STXBP4: variants seen among roughly 807,000 people sequenced by gnomAD.
The protein encoded by STXBP4 is syntaxin-binding protein 4.
Under a neutral mutation model 76.1 loss-of-function variants are expected in STXBP4, and 55 were observed. The observed-to-expected ratio is 0.72, with a 90% CI of 0.58 to 0.91. The LOEUF is 0.91. STXBP4 is among the 40% of genes least tolerant of loss of function. STXBP4 has a pLI of 0.00. For synonymous variants in STXBP4, 201 were observed against 220.2 expected (o/e 0.91, Z 0.77); for missense variants, 618 against 636.9 (o/e 0.97, Z 0.32).
At chr17:55,156,444 C>T (rs2080278072) in intron 17 of STXBP4, among the ~76,000 whole-genome samples, 1 of 152,168 alleles carries the variant, frequency 6.6e-6, no homozygotes, top group Non-Finnish European at 1.5e-5. Context: ...AAATGGCCCC[C>T]TTCCAGCATC....
At chr17:55,210,561 C>A in the STXBP4 span, among the ~76,000 whole-genome samples, 1 of 152,190 alleles carries the variant, frequency 6.6e-6, no homozygotes, top group Non-Finnish European at 1.5e-5. Context: ...TGGTTTTACT[C>A]AGTGTGCCAA....
At chr17:55,147,775 A>G (rs987010043) in intron 17 of STXBP4, among the ~76,000 whole-genome samples, 1 of 152,220 alleles carries the variant, frequency 6.6e-6, no homozygotes, top group Non-Finnish European at 1.5e-5. Flanking sequence ...ATTTTAACTC[A>G]TGCCATCTCT....
intron 10 of STXBP4, among the ~76,000 whole-genome samples, chr17:55,040,304 G>A (rs1005176778): frequency 3.3e-5 from 5 of 151,986 alleles, no homozygotes; most frequent in Non-Finnish European, 7.4e-5. Flanking sequence ...AGATGTATAA[G>A]CCAGATAATA....
chr17:55,139,681 T>G (rs1440748906), intron 16 of STXBP4, among the ~76,000 whole-genome samples: 1 of 152,112 alleles, frequency 6.6e-6, no homozygotes, highest in Non-Finnish European at 1.5e-5. Context: ...AGAGGAGACA[T>G]ATAGTGACAG....
intron 12 of STXBP4, among the ~76,000 whole-genome samples, chr17:55,058,138 C>T (rs2078953939): frequency 6.6e-6 from 1 of 152,164 alleles, no homozygotes; most frequent in South Asian, 2.1e-4. Context: ...ACACTGTCTT[C>T]CACAATGGTT....
At chr17:54,982,702 G>C (rs2077567857) in intron 1 of STXBP4, among the ~76,000 whole-genome samples, 1 of 151,942 alleles carries the variant, frequency 6.6e-6, no homozygotes, top group Admixed American at 6.6e-5. Context: ...TATAAAGAGA[G>C]AGTAGGAAGC....
chr17:54,993,467 C>G (rs2077750078), intron 4 of STXBP4, among the ~76,000 whole-genome samples: 3 of 137,360 alleles, frequency 2.2e-5, no homozygotes, highest in Admixed American at 7.7e-5. Flanking sequence ...GGCAACAGAG[C>G]ATTTCTAAAA....
intron 12 of STXBP4, among the ~76,000 whole-genome samples, chr17:55,048,246 A>G (rs1262353619): frequency 2.6e-5 from 4 of 151,900 alleles, no homozygotes; most frequent in Admixed American, 2.6e-4. Flanking sequence ...AGGGAAAATT[A>G]AGGAGCTTAT....
intron 10 of STXBP4, 132 bp from the exon 11 acceptor site, chr17:55,043,104 G>T (rs921935782): frequency 9.7e-6 from 4 of 410,660 alleles, no homozygotes; most frequent in African/African-American, 6.2e-5. Context: ...CTAATCAAAT[G>T]ACTCCAACAT....
At chr17:55,186,107 T>C in the STXBP4 span, among the ~76,000 whole-genome samples, 1 of 152,202 alleles carries the variant, frequency 6.6e-6, no homozygotes, top group Non-Finnish European at 1.5e-5. Flanking sequence ...TTACCACCAC[T>C]ATGCAATTAC....
rs968312530 is a variant in STXBP4, at chr17:55,164,944, T to G, written c.*5033T>G. The G allele has an allele frequency of 2.0e-5, 3 of 152,174 alleles. No individual in the cohort carries two copies. The highest frequency in any genetic ancestry group is 6.5e-5 in the Admixed American group (1 of 15,274). The allele number at this position is 152,174 out of a possible 1,614,324, so 9.4% of individuals were successfully genotyped here. A position where few individuals can be genotyped will look rare whatever the true frequency, so the allele number is the denominator to read the frequency against. On this transcript the variant is annotated 3_prime_UTR_variant, in exon 18 of 18. Coordinates refer to ENST00000376352, the MANE Select transcript of STXBP4 (RefSeq NM_178509.6). Reference sequence around the variant, plus strand: ...TTCACTGAGTAGTAGGGATACAATGTGAGATATATGTGTTTCTAGCCCTTG... The same window carrying G: ...TTCACTGAGTAGTAGGGATACAATGGGAGATATATGTGTTTCTAGCCCTTG...
chr17:55,190,629 A>C, the STXBP4 span, among the ~76,000 whole-genome samples: 1 of 152,196 alleles, frequency 6.6e-6, no homozygotes, highest in Non-Finnish European at 1.5e-5. Flanking sequence ...GGGTTTTGAA[A>C]ACAAAGGAAG....
intron 13 of STXBP4, among the ~76,000 whole-genome samples, chr17:55,076,644 G>A (rs545466488): frequency 6.6e-6 from 1 of 152,210 alleles, no homozygotes; most frequent in South Asian, 2.1e-4. Flanking sequence ...ACTTTAGTGT[G>A]TACTATTTGG....
rs1416369505 is a variant in STXBP4, at chr17:55,170,341, A to G, written c.*10430A>G. 1 of 152,252 alleles carries G rather than the reference A, an allele frequency of 6.6e-6. No individual in the cohort carries two copies. The highest frequency in any genetic ancestry group is 2.4e-5 in the African/African-American group (1 of 41,458). 9.4% of individuals were successfully genotyped at this position (152,252 alleles called of 1,614,324 possible). ...TAATGTTTAATGATACCAAGAAAGT[A>G]TCACAATAATAACATCAAGTGGTAA... On this transcript the variant is annotated 3_prime_UTR_variant, in exon 18 of 18. Coordinates refer to ENST00000376352, the MANE Select transcript of STXBP4 (RefSeq NM_178509.6).
chr17:55,014,136 T>C (rs1469631469), intron 8 of STXBP4, among the ~76,000 whole-genome samples: 1 of 152,132 alleles, frequency 6.6e-6, no homozygotes, highest in African/African-American at 2.4e-5. Flanking sequence ...TTAACAATTT[T>C]TTTGAGTCCT....
intron 16 of STXBP4, among the ~76,000 whole-genome samples, chr17:55,120,881 C>T (rs561611891): frequency 6.6e-6 from 1 of 152,014 alleles, no homozygotes; most frequent in African/African-American, 2.4e-5. Context: ...CTCAGAGTTG[C>T]ATCAGCTCAA....
At chr17:55,008,249 G>A (rs907131954) in intron 8 of STXBP4, among the ~76,000 whole-genome samples, 2 of 151,578 alleles carry the variant, frequency 1.3e-5, no homozygotes, top group African/African-American at 4.9e-5. Context: ...ACTGCTGAAA[G>A]ACCACAAACT....
rs1286061158 is a variant in STXBP4, at chr17:55,167,427, A to ATGTC, written c.*7520_*7523dup. The ATGTC allele has an allele frequency of 6.6e-6, 1 of 152,230 alleles. No individual in the cohort carries two copies. Among genetic ancestry groups the ATGTC allele is most frequent in the African/African-American group, 2.4e-5 (1 of 41,454 alleles). The allele number at this position is 152,230 out of a possible 1,614,324, so 9.4% of individuals were successfully genotyped here. On this transcript the variant is annotated 3_prime_UTR_variant, in exon 18 of 18. Transcript: ENST00000376352. Reference sequence around the variant, plus strand: ...AAATGAGGTGGGGGTTTAAGTAAGCATGTCTGTACTAACTAGTTCCACTAA... The same window carrying ATGTC: ...AAATGAGGTGGGGGTTTAAGTAAGCATGTCTGTCTGTACTAACTAGTTCCACTAA...
At chr17:55,104,647 GA>G (rs1380695365) in intron 16 of STXBP4, among the ~76,000 whole-genome samples, 2 of 152,174 alleles carry the variant, frequency 1.3e-5, no homozygotes, top group Non-Finnish European at 1.5e-5. Context: ...CTCATAAAAT[GA>G]GTTAGGGAGG....
Sources: gnomAD v4.1 joint callset for allele counts (sites outside exome capture counted in the v4.1 genomes callset) on GRCh38, gnomAD v4.1.1 for gene constraint, MANE v1.5 for transcripts, NCBI Gene and HGNC (gene_info 2026-07-23, HGNC 2026-07-21) for gene names.